Variants in MON2 observed in about 807,000 individuals in gnomAD.
MON2 encodes the protein MON2 regulator of endosome-to-Golgi trafficking, also known as protein MON2 homolog.
Under a neutral mutation model 208.6 loss-of-function variants are expected in MON2, and 84 were observed. That is an observed-to-expected ratio of 0.40 (90% CI 0.34 to 0.48). The LOEUF (loss-of-function observed/expected upper bound fraction) is 0.48, where lower values mean the gene tolerates loss of function less well. Among genes scored for constraint, MON2 ranks in the 20% least tolerant of loss-of-function variants. The pLI is 0.59. For synonymous variants in MON2, 660 were observed against 694.0 expected (o/e 0.95, Z 0.77); for missense variants, 1,611 against 2,015.4 (o/e 0.80, Z 3.84).
rs2069266510 is a variant in MON2, at chr12:62,479,385, A to T, written c.112-4785A>T. 2.0e-5 allele frequency among the ~76,000 whole-genome samples: 3 copies of T among 151,534 alleles called. No homozygotes were observed. The South Asian group carries it at 6.2e-4, about 32-fold the overall frequency. ...CCTAATACAGTGTAAATGCTATGTA[A>T]ATAGTTGTTATGCTGTATTTTAAAA... On this transcript the variant is annotated intron_variant, in intron 1 of 34. Coordinates refer to ENST00000393630, the MANE Select transcript of MON2 (RefSeq NM_015026.3).
At chr12:62,571,323 G>C in intron 29 of MON2, 69 bp from the exon 30 acceptor site, 1 of 1,166,774 alleles carries the variant, frequency 8.6e-7, no homozygotes, top group Non-Finnish European at 1.2e-6. Flanking sequence ...CTCTGCTGTA[G>C]TTTTTCTTAA....
chr12:62,582,797 A>G (rs552254659), intron 32 of MON2, among the ~76,000 whole-genome samples: 41 of 152,172 alleles, frequency 2.7e-4, no homozygotes, highest in Non-Finnish European at 5.1e-4. Context: ...GCCAACCTGT[A>G]AACACAGAGG....
rs545027178 is a variant in MON2 at position 62,483,771 on chromosome 12, A to G, written c.112-399A>G. Among the ~76,000 whole-genome samples, 5 of 152,262 alleles carry G rather than the reference A, an allele frequency of 3.3e-5. No individual in the cohort carries two copies. The East Asian group carries it at 5.8e-4, about 18-fold the overall frequency. On this transcript the variant is annotated intron_variant, in intron 1 of 34. Coordinates refer to ENST00000393630, the MANE Select transcript of MON2 (RefSeq NM_015026.3). ...GTTTTACTTGATTTTGCAGTGTTCT[A>G]TAATTTTTTTGTGTGTGGTGGAGAG...
intron 31 of MON2, among the ~76,000 whole-genome samples, chr12:62,579,567 A>G (rs1016571150): frequency 2.8e-4 from 43 of 151,376 alleles, no homozygotes; most frequent in Non-Finnish European, 5.3e-4. Context: ...ACTAAAAAAA[A>G]AAAAAAAAAT....
At chr12:62,578,593 A>G in intron 31 of MON2, 88 bp downstream of exon 31, 2 of 801,172 alleles carry the variant, frequency 2.5e-6, no homozygotes, top group Non-Finnish European at 3.9e-6. Flanking sequence ...CTGAAAGAAT[A>G]AAGTAATAGG....
rs1214107525 is a variant in MON2 at position 62,598,164 on chromosome 12, T to C, written c.*5415T>C. ...GAGTCTTTCTGGAGTGTATTTGGTG[T>C]CTGTGTGATTGGTTCACCCAGAGGT... On this transcript the variant is annotated 3_prime_UTR_variant, in exon 35 of 35. Transcript: ENST00000393630. The C allele has an allele frequency of 6.6e-6, 1 of 152,166 alleles. No homozygotes were observed. The highest frequency in any genetic ancestry group is 1.5e-5 in the Non-Finnish European group (1 of 68,018). 9.4% of individuals were successfully genotyped at this position (152,166 alleles called of 1,614,324 possible).
chr12:62,540,642 G>C (rs1241735451), intron 19 of MON2, among the ~76,000 whole-genome samples: 1 of 152,182 alleles, frequency 6.6e-6, no homozygotes, highest in African/African-American at 2.4e-5. Context: ...GGGAAGAACA[G>C]TTGTGGAGAA....
chr12:62,551,907 G>C (rs1271615809), intron 23 of MON2, among the ~76,000 whole-genome samples: 2 of 151,974 alleles, frequency 1.3e-5, no homozygotes, highest in South Asian at 4.1e-4. Flanking sequence ...CTCTTCCTAC[G>C]TTCAGCTCTT....
chr12:62,484,069 G>T, intron 1 of MON2, 101 bp from the exon 2 acceptor site: 1 of 834,814 alleles, frequency 1.2e-6, no homozygotes, highest in South Asian at 1.6e-5. Context: ...GGTAGTGACT[G>T]ACTTTGTGCT....
chr12:62,568,964 AT>A (rs983586442), intron 29 of MON2, among the ~76,000 whole-genome samples: 1 of 152,064 alleles, frequency 6.6e-6, no homozygotes, highest in African/African-American at 2.4e-5. Context: ...CTCAGTTTGT[AT>A]TTTTAAAGGA....
rs751052199 is a variant in MON2 at position 62,555,956 on chromosome 12, A to G, written c.3211-38A>G. Reference sequence around the variant, plus strand: ...CCTATGCTATTACTTAAGCTATATTATCAATGCATTTTAAATGACATTTTA... The same window carrying G: ...CCTATGCTATTACTTAAGCTATATTGTCAATGCATTTTAAATGACATTTTA... On this transcript the variant is annotated intron_variant, in intron 24 of 34. Coordinates refer to ENST00000393630, the MANE Select transcript of MON2 (RefSeq NM_015026.3). 4 of 1,440,270 alleles carry G rather than the reference A, an allele frequency of 2.8e-6. No individual in the cohort carries two copies. The African/African-American group carries it at 4.3e-5, about 15-fold the overall frequency. The allele number at this position is 1,440,270 out of a possible 1,614,324, so 89.2% of individuals were successfully genotyped here.
At chr12:62,508,010 A>G (rs138289353) in intron 7 of MON2, among the ~76,000 whole-genome samples, 300 of 152,232 alleles carry the variant, frequency 2.0e-3, no homozygotes, top group African/African-American at 6.8e-3. Context: ...GGCTCAAGCT[A>G]TCCTCCCACC....
chr12:62,565,170 T>C (rs540852347), intron 26 of MON2, 67 bp from the exon 27 acceptor site: 5 of 1,460,388 alleles, frequency 3.4e-6, no homozygotes, highest in African/African-American at 1.4e-5. Context: ...TAAACAAATA[T>C]ATACACAGTA....
intron 32 of MON2, among the ~76,000 whole-genome samples, chr12:62,583,518 G>T (rs1274216749): frequency 6.6e-6 from 1 of 151,820 alleles, no homozygotes; most frequent in Non-Finnish European, 1.5e-5. Flanking sequence ...AAAACTTCCA[G>T]ATTAAAAATA....
At chr12:62,518,204 A>G (rs190640421) in intron 8 of MON2, among the ~76,000 whole-genome samples, 1 of 152,296 alleles carries the variant, frequency 6.6e-6, no homozygotes, top group East Asian at 1.9e-4. Flanking sequence ...CTTATAACCT[A>G]ATTTCCTCCG....
chr12:62,526,643 TA>T (rs941614495), intron 11 of MON2, among the ~76,000 whole-genome samples: 32 of 152,178 alleles, frequency 2.1e-4, no homozygotes, highest in African/African-American at 7.5e-4. Context: ...CTGTTATTTT[TA>T]AATTGTTTGT....
At position 62,498,792 on chromosome 12, in the gene MON2, A is replaced by T. The variant is rs533901196; in HGVS notation, c.436-127A>T. Reference sequence around the variant, plus strand: ...GATTACATCAAAATCTGAGGATTTTATATTTTATTGTAAATGGTGGGACTT... The same window carrying T: ...GATTACATCAAAATCTGAGGATTTTTTATTTTATTGTAAATGGTGGGACTT... On this transcript the variant is annotated intron_variant, in intron 4 of 34. Transcript: ENST00000393630. 27 of 985,212 alleles carry T rather than the reference A, an allele frequency of 2.7e-5. No homozygotes were observed. The South Asian group carries it at 5.7e-4, about 21-fold the overall frequency. 61.0% of individuals were successfully genotyped at this position (985,212 alleles called of 1,614,324 possible).
In MON2 at chr12:62,538,486, T is replaced by C; in HGVS notation, c.2345T>C (p.Met782Thr). 1 of 1,603,048 alleles carries C rather than the reference T, an allele frequency of 6.2e-7. No homozygotes were observed. Among genetic ancestry groups the C allele is most frequent in the Non-Finnish European group, 8.5e-7 (1 of 1,170,536 alleles). Residue 782 changes from methionine to threonine, a missense_variant, in exon 19 of 35, where the codon ATG becomes ACG. Met to Thr is a moderately conservative substitution (Grantham distance 81, BLOSUM62 -1). Coordinates refer to ENST00000393630, the MANE Select transcript of MON2 (RefSeq NM_015026.3). The stretch of plus-strand genomic sequence containing the variant: ...TCCTTGTCTCTAGAAGCAATGGATA[T>C]GGCCTATGGAAATAATAAGGTGTGA... The part of the protein sequence containing the change: ...LCSLSLEAMD[M>T]AYGNNKEPSL...
chr12:62,578,384 A>G (rs573571435), intron 30 of MON2, 61 bp from the exon 31 acceptor site: 6 of 1,085,160 alleles, frequency 5.5e-6, no homozygotes, highest in Middle Eastern at 2.2e-4. Flanking sequence ...CTGTTTTTCT[A>G]TTTTGTTTGT....
Sources: allele counts gnomAD v4.1 joint callset (sites outside exome capture counted in the v4.1 genomes callset), GRCh38; gene constraint gnomAD v4.1.1; transcripts MANE v1.5; gene names NCBI Gene and HGNC (gene_info 2026-07-23, HGNC 2026-07-21).